The following CCNB2 variants were observed in gnomAD, a reference collection of about 807,000 sequenced individuals.
CCNB2 encodes the protein cyclin B2, also known as G2/mitotic-specific cyclin-B2.
Under a neutral mutation model 51.1 loss-of-function variants are expected in CCNB2, and 39 were observed. That is an observed-to-expected ratio of 0.76 (90% confidence interval 0.59 to 1.00). The LOEUF (loss-of-function observed/expected upper bound fraction) is 1.00, where lower values mean the gene tolerates loss of function less well. CCNB2 is among the 50% of genes least tolerant of loss of function. CCNB2 has a pLI of 0.00. For synonymous variants in CCNB2, 174 were observed against 165.5 expected (o/e 1.05, Z -0.40); for missense variants, 472 against 470.3 (o/e 1.00, Z -0.03).
intron 3 of CCNB2, among the ~76,000 whole-genome samples, chr15:59,111,009 C>T (rs372711437): frequency 6.6e-6 from 1 of 152,132 alleles, no homozygotes; most frequent in African/African-American, 2.4e-5. Flanking sequence ...TTATCTGTCA[C>T]AAAGAGAGAT....
intron 3 of CCNB2, among the ~76,000 whole-genome samples, chr15:59,108,402 A>C (rs1018841151): frequency 3.3e-5 from 5 of 152,296 alleles, no homozygotes; most frequent in African/African-American, 1.2e-4. Flanking sequence ...GAGGTAAGTT[A>C]GGAGGTATTG....
intron 7 of CCNB2, among the ~76,000 whole-genome samples, chr15:59,122,406 G>A (rs1870162779): frequency 6.6e-6 from 1 of 151,540 alleles, no homozygotes; most frequent in Non-Finnish European, 1.5e-5. Flanking sequence ...TGTATTTTTA[G>A]TAGAGATGGG....
chr15:59,105,432 G>T (rs558376722), intron 1 of CCNB2, 140 bp downstream of exon 1: 32 of 997,834 alleles, frequency 3.2e-5, no homozygotes, highest in Non-Finnish European at 4.4e-5. Context: ...CTTCGCCCGC[G>T]TCCCTGGCCC....
Position 59,123,624 on chromosome 15 carries a change from C to A in CCNB2, c.1083C>A (p.Phe361Leu), listed in dbSNP as rs2140292108. The A allele has an allele frequency of 6.3e-7, 1 of 1,576,108 alleles. No homozygotes were observed. The highest frequency in any genetic ancestry group is 8.7e-7 in the Non-Finnish European group (1 of 1,152,764). Residue 361 changes from phenylalanine (F) to leucine (L), a missense_variant, in exon 8 of 9, where the codon TTC becomes TTA. By Grantham distance (22) the Phe-to-Leu change is conservative. Transcript: ENST00000288207. ...AAGTAAATGAAAACTTAACTAAATT[C>A]ATCGTAAGTACTACTGTTTTCTTAA... ...VVKVNENLTK[F>L]IAIKNKYASS...
At position 59,116,937 on chromosome 15, in the gene CCNB2, C is replaced by T. The variant is rs200345070; in HGVS notation, c.834+11C>T. 9 of 1,599,438 alleles carry T rather than the reference C, an allele frequency of 5.6e-6. No individual in the cohort carries two copies. In the East Asian group the frequency reaches 1.8e-4, roughly 32 times the overall value. ...TCAAAAGCCGGGGAGGTAAGTGCCT[C>T]CAGCTCTGTAAGAGACTATTTTTGC... is the stretch of plus-strand genomic sequence containing the variant. On this transcript the variant is annotated intron_variant, in intron 6 of 8. Coordinates refer to ENST00000288207, the MANE Select transcript of CCNB2 (RefSeq NM_004701.4).
At chr15:59,105,340 C>T in intron 1 of CCNB2, 48 bp downstream of exon 1, 1 of 1,535,748 alleles carries the variant, frequency 6.5e-7, no homozygotes, top group Non-Finnish European at 8.8e-7. Context: ...GTCGGCCCCA[C>T]AGCTCCCCTG....
chr15:59,116,792 G>A lies in CCNB2; in HGVS notation c.700G>A (p.Val234Ile). The stretch of plus-strand genomic sequence containing the variant: ...GTTTTCTCCAAATATTGAAGACTTT[G>A]TTTACATCACAGACAATGCTTATAC... Reference protein sequence around the residue: ...EMFSPNIEDFVYITDNAYTSS... With the variant: ...EMFSPNIEDFIYITDNAYTSS... The change falls in exon 6 of 9, where the codon GTT (valine) becomes ATT (isoleucine). Residue 234 changes from valine (V) to isoleucine (I), a missense_variant. Physicochemically the swap from Val to Ile is conservative, Grantham distance 29. Transcript: ENST00000288207. The A allele has an allele frequency of 1.2e-6, 2 of 1,614,078 alleles. No homozygotes were observed. The highest frequency in any genetic ancestry group is 1.7e-6 in the Non-Finnish European group (2 of 1,179,934).
chr15:59,107,502 C>T, intron 2 of CCNB2, 52 bp downstream of exon 2: 1 of 1,613,446 alleles, frequency 6.2e-7, no homozygotes, highest in Non-Finnish European at 8.5e-7. Context: ...CTGTATAGTG[C>T]TGAGTCCCAC....
chr15:59,116,886 T>C lies in CCNB2; in HGVS notation c.794T>C (p.Leu265Ser), dbSNP rs765627677. ...KELKFELGRP[L>S]PLHFLRRASK... The stretch of plus-strand genomic sequence containing the variant: ...TTGAAATTTGAGTTGGGTCGACCCT[T>C]GCCACTACACTTCTTAAGGCGAGCA... Residue 265 changes from leucine to serine, a missense_variant, in exon 6 of 9, where the codon TTG becomes TCG. Coordinates refer to ENST00000288207, the MANE Select transcript of CCNB2 (RefSeq NM_004701.4). The C allele has an allele frequency of 6.2e-7, 1 of 1,614,076 alleles. No homozygotes were observed. Among genetic ancestry groups the C allele is most frequent in the Non-Finnish European group, 8.5e-7 (1 of 1,180,040 alleles).
intron 7 of CCNB2, among the ~76,000 whole-genome samples, chr15:59,123,032 T>C (rs1184167389): frequency 6.6e-6 from 1 of 152,220 alleles, no homozygotes; most frequent in African/African-American, 2.4e-5. Flanking sequence ...ATTTGATAGA[T>C]TGTTGCTTGT....
intron 7 of CCNB2, among the ~76,000 whole-genome samples, chr15:59,121,931 CAA>C (rs3052992): frequency 0.019 from 266 of 14,018 alleles, no homozygotes; most frequent in African/African-American, 0.048. Flanking sequence ...GACTCTGTCT[CAA>C]AAAAAAAAAA....
chr15:59,124,738 A>G, intron 8 of CCNB2, 29 bp from the exon 9 acceptor site: 4 of 1,484,830 alleles, frequency 2.7e-6, no homozygotes, highest in Non-Finnish European at 3.8e-6. Context: ...GGTTCCTGAC[A>G]TGTGCTTAAT....
At chr15:59,115,701 A>G (rs1418232934) in intron 5 of CCNB2, 1 of 152,194 alleles carries the variant, frequency 6.6e-6, no homozygotes, top group Non-Finnish European at 1.5e-5. Context: ...TGGGCAGGAA[A>G]GCACAACAGT....
At chr15:59,124,715 A>T (rs367583651) in intron 8 of CCNB2, 52 bp from the exon 9 acceptor site, 291 of 1,181,896 alleles carry the variant, frequency 2.5e-4, no homozygotes, top group Non-Finnish European at 1.0e-4. Context: ...ACTAGGAATA[A>T]GGTATCATTG....
At chr15:59,123,657 A>G (rs1384215346) in intron 8 of CCNB2, 30 bp downstream of exon 8, 1 of 1,392,360 alleles carries the variant, frequency 7.2e-7, no homozygotes, top group Non-Finnish European at 1.0e-6. Flanking sequence ...TAAGCTGTGG[A>G]AAGCTTTAGG....
Position 59,124,850 on chromosome 15 carries a change from T to G in CCNB2, c.1170T>G (p.Leu390=). 6.2e-7 allele frequency: 1 copy of G among 1,602,678 alleles called. No homozygotes were observed. The highest frequency in any genetic ancestry group is 8.5e-7 in the Non-Finnish European group (1 of 1,174,488). The change falls in exon 9 of 9, where the codon CTT becomes CTG. Residue 390 remains leucine, a synonymous_variant. Transcript: ENST00000288207. ...PQLNSKAVKD[L]ASPLIGRS is the part of the protein sequence containing the mutation. ...TGAACTCAAAAGCCGTCAAAGACCT[T>G]GCCTCCCCACTGATAGGAAGGTCCT...
chr15:59,123,651 C>G (rs1411716809), intron 8 of CCNB2, 24 bp downstream of exon 8: 1 of 1,372,130 alleles, frequency 7.3e-7, no homozygotes, highest in Admixed American at 1.8e-5. Context: ...TTTTCTTAAG[C>G]TGTGGAAAGC....
intron 1 of CCNB2, 104 bp from the exon 2 acceptor site, chr15:59,107,218 G>A: frequency 9.9e-7 from 1 of 1,006,584 alleles, no homozygotes; most frequent in Non-Finnish European, 1.4e-6. Context: ...AATAGATCTT[G>A]ACGTATTGTC....
chr15:59,116,735 G>A lies in CCNB2; in HGVS notation c.643G>A (p.Ala215Thr), dbSNP rs150170652. The change falls in exon 6 of 9, where the codon GCT becomes ACT. Residue 215 changes from alanine to threonine, a missense_variant. Ala to Thr is a moderately conservative substitution (Grantham distance 58, BLOSUM62 0). Coordinates refer to ENST00000288207, the MANE Select transcript of CCNB2 (RefSeq NM_004701.4). Reference protein sequence around the residue: ...RKKLQLVGITALLLASKYEEM... With the variant: ...RKKLQLVGITTLLLASKYEEM... ...GAAGCTTCAATTAGTTGGGATTACT[G>A]CTCTGCTCTTGGCTTCCAAGTATGA... The A allele has an allele frequency of 3.9e-4, 623 of 1,612,838 alleles. 4 individuals are homozygous for A. The highest frequency in any genetic ancestry group is 3.6e-3 in the South Asian group (332 of 91,018).
Sources: gnomAD v4.1 joint callset for allele counts (sites outside exome capture counted in the v4.1 genomes callset) on GRCh38, gnomAD v4.1.1 for gene constraint, MANE v1.5 for transcripts, NCBI Gene and HGNC (gene_info 2026-07-23, HGNC 2026-07-21) for gene names.